Variants in RPS6KA2 observed in about 807,000 individuals in gnomAD.
The protein encoded by RPS6KA2 is ribosomal protein S6 kinase alpha-2.
Under a neutral mutation model 91.8 loss-of-function variants are expected in RPS6KA2, and 42 were observed. The observed-to-expected ratio is 0.46, with a 90% CI of 0.36 to 0.59. RPS6KA2 has a LOEUF of 0.59. Ranked by LOEUF, RPS6KA2 falls within the 20% of genes least tolerant of loss-of-function variation. The pLI is 0.00. For missense variants in RPS6KA2, 798 were observed against 978.5 expected, an observed-to-expected ratio of 0.82 and a Z score of 2.46; for synonymous variants, 414 against 393.6, an observed-to-expected ratio of 1.05 and a Z score of -0.61.
At chr6:166,682,915 C>A (rs1788878154) in intron 2 of RPS6KA2, among the ~76,000 whole-genome samples, 1 of 152,192 alleles carries the variant, frequency 6.6e-6, no homozygotes. Context: ...AGCTTTATAA[C>A]CACATTCCTT....
At chr6:166,416,393 CATT>C (rs1275368144) in intron 19 of RPS6KA2, among the ~76,000 whole-genome samples, 1 of 151,760 alleles carries the variant, frequency 6.6e-6, no homozygotes, top group Non-Finnish European at 1.5e-5. Flanking sequence ...CCATTACCCT[CATT>C]AGCCTCACCA....
Position 166,733,343 on chromosome 6 carries a change from G to C in RPS6KA2, c.123+124857C>G, listed in dbSNP as rs1225178407. 6.6e-6 allele frequency among the ~76,000 whole-genome samples: 1 copy of C among 152,156 alleles called. No individual in the cohort carries two copies. Among genetic ancestry groups the C allele is most frequent in the Non-Finnish European group, 1.5e-5 (1 of 68,028 alleles). ...TAACAGCAGTGGTGTTGGCCGTCTT[G>C]ATCAGTTTATTATGTCTTGGAACTC... On this transcript the variant is annotated intron_variant, in intron 2 of 21. Transcript: ENST00000503859. This position sits in a 1 kb window ranked among gnomAD's most constrained non-coding sequence, Gnocchi z 4.1.
chr6:166,743,824 TCA>T (rs1178352018), intron 2 of RPS6KA2, among the ~76,000 whole-genome samples: 3 of 150,456 alleles, frequency 2.0e-5, no homozygotes, highest in African/African-American at 7.4e-5. Context: ...TGGCTGGTGG[TCA>T]GTGCACGGCA....
intron 2 of RPS6KA2, among the ~76,000 whole-genome samples, chr6:166,776,727 G>C (rs77247132): frequency 0.031 from 4,785 of 152,318 alleles, 250 homozygotes; most frequent in African/African-American, 0.11. Context: ...CCATGTTGCA[G>C]GGTGTGTCAA....
At chr6:166,690,253 G>T (rs1789164728) in intron 2 of RPS6KA2, among the ~76,000 whole-genome samples, 1 of 152,180 alleles carries the variant, frequency 6.6e-6, no homozygotes, top group South Asian at 2.1e-4. Context: ...TCTGGGAGGG[G>T]AGTGTCAAGC....
At chr6:166,829,047 C>T (rs1224445762) in intron 2 of RPS6KA2, among the ~76,000 whole-genome samples, 1 of 152,190 alleles carries the variant, frequency 6.6e-6, no homozygotes, top group Non-Finnish European at 1.5e-5. Context: ...AAACATTTCT[C>T]CACAGAAGAC....
chr6:166,419,777 A>G lies in RPS6KA2; in HGVS notation c.1820+105T>C. 1 of 998,486 alleles carries G rather than the reference A, an allele frequency of 1.0e-6. No homozygotes were observed. Among genetic ancestry groups the G allele is most frequent in the South Asian group, 1.3e-5 (1 of 74,076 alleles). 61.9% of individuals were successfully genotyped at this position (998,486 alleles called of 1,614,324 possible). ...GTTTGCATACACGTTGGGTTTGCCCACATGCGCACACTAGGACAGGGCTGG... is the reference window on the plus strand; with the variant it reads ...GTTTGCATACACGTTGGGTTTGCCCGCATGCGCACACTAGGACAGGGCTGG... On this transcript the variant is annotated intron_variant, in intron 18 of 20. Coordinates refer to ENST00000265678, the MANE Select transcript of RPS6KA2 (RefSeq NM_021135.6). This position sits in a 1 kb window ranked among gnomAD's most constrained non-coding sequence, Gnocchi z 5.6.
rs1300702914 is a variant in RPS6KA2, at chr6:166,531,318, G to T, written c.217-5C>A. ...CACCTTCCTCACCAGGAACACCTTAGCAAGAGAAAACGGAACATCAGAAAC... is the reference window on the plus strand; with the variant it reads ...CACCTTCCTCACCAGGAACACCTTATCAAGAGAAAACGGAACATCAGAAAC... On this transcript the variant is annotated splice_region_variant and splice_polypyrimidine_tract_variant and intron_variant, in intron 2 of 20. Transcript: ENST00000265678. 3 of 1,612,366 alleles carry T rather than the reference G, an allele frequency of 1.9e-6. No homozygotes were observed. Among genetic ancestry groups the T allele is most frequent in the Admixed American group, 3.3e-5 (2 of 60,014 alleles).
chr6:166,647,980 TCACACACACGCACATGCTCA>T (rs1787695722), intron 2 of RPS6KA2, among the ~76,000 whole-genome samples: 1 of 62,512 alleles, frequency 1.6e-5, no homozygotes, highest in Admixed American at 1.8e-4. Context: ...ACACACATGC[TCACACACACGCACATGCTCA>T]CACACGCACA....
intron 3 of RPS6KA2, among the ~76,000 whole-genome samples, chr6:166,529,944 C>G (rs1783207658): frequency 6.6e-6 from 1 of 152,228 alleles, no homozygotes; most frequent in Non-Finnish European, 1.5e-5. Flanking sequence ...TCCCACGGAC[C>G]TTCTAACTCA....
At chr6:166,744,719 C>T (rs1790933611) in intron 2 of RPS6KA2, among the ~76,000 whole-genome samples, 1 of 152,176 alleles carries the variant, frequency 6.6e-6, no homozygotes, top group Non-Finnish European at 1.5e-5. Flanking sequence ...CACCTGGGGG[C>T]ATGCAGGCCT....
chr6:166,716,223 A>T (rs1404683056), intron 2 of RPS6KA2, among the ~76,000 whole-genome samples: 1 of 152,090 alleles, frequency 6.6e-6, no homozygotes, highest in Non-Finnish European at 1.5e-5. Context: ...AAGCCACAAA[A>T]CCGTCACCAA....
chr6:166,425,255 T>A lies in RPS6KA2; in HGVS notation c.1582-1838A>T, dbSNP rs559523828. Among the ~76,000 whole-genome samples the A allele has an allele frequency of 1.5e-3, 222 of 152,166 alleles. 2 individuals are homozygous for A. The highest frequency in any genetic ancestry group is 4.8e-3 in the African/African-American group (201 of 41,536). On this transcript the variant is annotated intron_variant, in intron 16 of 20. Transcript: ENST00000265678. ...TAAAAATTATTATTCTTTTTAAAAT[T>A]TAAAAAATTTTAAAATTTGAGCTCT...
intron 2 of RPS6KA2, among the ~76,000 whole-genome samples, chr6:166,750,111 CG>C (rs1791231290): frequency 6.6e-6 from 1 of 152,148 alleles, no homozygotes; most frequent in African/African-American, 2.4e-5. Context: ...GTGCCCATGC[CG>C]GAGAGAAGTT....
At chr6:166,819,883 G>C (rs1483469122) in intron 2 of RPS6KA2, among the ~76,000 whole-genome samples, 1 of 152,144 alleles carries the variant, frequency 6.6e-6, no homozygotes, top group East Asian at 1.9e-4. Flanking sequence ...GGGGAGCTCT[G>C]GGTTAAAGGG....
chr6:166,597,910 A>G (rs1785596403), intron 1 of RPS6KA2, among the ~76,000 whole-genome samples: 1 of 152,148 alleles, frequency 6.6e-6, no homozygotes, highest in Non-Finnish European at 1.5e-5. Flanking sequence ...GGTTTTCATC[A>G]CCCAGTTCCT....
At chr6:166,522,924 T>C (rs763188) in intron 3 of RPS6KA2, among the ~76,000 whole-genome samples, 93,674 of 152,074 alleles carry the variant, frequency 0.62, 29,461 homozygotes, top group African/African-American at 0.74. Flanking sequence ...TTTATTCTTC[T>C]ATACTCAAGT....
At chr6:166,470,414 C>T (rs1345579113) in intron 10 of RPS6KA2, among the ~76,000 whole-genome samples, 2 of 152,226 alleles carry the variant, frequency 1.3e-5, no homozygotes, top group East Asian at 1.9e-4. Context: ...CTCCTGCCCA[C>T]ACCTGGCCAC....
chr6:166,462,128 T>C (rs1269739305), intron 11 of RPS6KA2, among the ~76,000 whole-genome samples: 25 of 152,188 alleles, frequency 1.6e-4, no homozygotes, highest in Admixed American at 1.6e-3. Flanking sequence ...CTTCCTTCTC[T>C]ACCTCACCCT....
Sources: gnomAD v4.1 joint callset for allele counts (sites outside exome capture counted in the v4.1 genomes callset) on GRCh38, gnomAD v4.1.1 for gene constraint, Gnocchi (gnomAD v3.1) non-coding constraint, MANE v1.5 for transcripts, NCBI Gene and HGNC (gene_info 2026-07-23, HGNC 2026-07-21) for gene names.